USP24: variants seen among roughly 807,000 people sequenced by gnomAD.
USP24 encodes ubiquitin specific peptidase 24.
USP24 carries 97 observed loss-of-function variants against 361.6 expected under a neutral mutation model. The observed-to-expected ratio is 0.27, with a 90% CI of 0.23 to 0.32. USP24 has a LOEUF of 0.32. USP24 is among the 10% of genes least tolerant of loss of function. USP24 has a pLI of 1.00. For missense variants in USP24, 2,353 were observed against 3,165.6 expected, an observed-to-expected ratio of 0.74 and a Z score of 6.16; for synonymous variants, 1,098 against 1,124.6, an observed-to-expected ratio of 0.98 and a Z score of 0.47.
chr1:55,082,433 A>C (rs1260285158), intron 58 of USP24, among the ~76,000 whole-genome samples: 1 of 152,226 alleles, frequency 6.6e-6, no homozygotes, highest in Admixed American at 6.5e-5. Flanking sequence ...ATGTATTTTG[A>C]ATCTATCAAA....
At chr1:55,195,490 C>CT (rs1201339470) in intron 1 of USP24, among the ~76,000 whole-genome samples, 15 of 152,276 alleles carry the variant, frequency 9.9e-5, no homozygotes, top group African/African-American at 3.4e-4. Flanking sequence ...CAGACATACT[C>CT]TGCCACTGAA....
intron 1 of USP24, among the ~76,000 whole-genome samples, chr1:55,187,531 C>A (rs1644166983): frequency 6.6e-6 from 1 of 152,080 alleles, no homozygotes; most frequent in South Asian, 2.1e-4. Flanking sequence ...CATAATTTTG[C>A]ACAGAGAAAA....
At chr1:55,150,103 A>C (rs1557638774) in intron 16 of USP24, among the ~76,000 whole-genome samples, 1 of 152,212 alleles carries the variant, frequency 6.6e-6, no homozygotes, top group Non-Finnish European at 1.5e-5. Flanking sequence ...CTCAATTATG[A>C]AAAAAAGCAA....
intron 28 of USP24, among the ~76,000 whole-genome samples, chr1:55,136,703 A>T (rs1474714597): frequency 6.6e-6 from 1 of 152,182 alleles, no homozygotes; most frequent in Non-Finnish European, 1.5e-5. Context: ...GGCCTGAGCC[A>T]ACTAGAAGAC....
At chr1:55,145,915 GAGA>G (rs1647016841) in intron 20 of USP24, 80 bp downstream of exon 20, 2 of 998,184 alleles carry the variant, frequency 2.0e-6, no homozygotes, top group East Asian at 2.4e-5. Flanking sequence ...AGTTGCTTCT[GAGA>G]AGGAGGATTA....
At chr1:55,110,919 G>C (rs765402702) in intron 38 of USP24, among the ~76,000 whole-genome samples, 1 of 151,908 alleles carries the variant, frequency 6.6e-6, no homozygotes, top group Non-Finnish European at 1.5e-5. Context: ...AAAAACATAC[G>C]CATATACACA....
chr1:55,154,099 A>T lies in USP24; in HGVS notation c.1812+20T>A. 2 of 1,612,938 alleles carry T rather than the reference A, an allele frequency of 1.2e-6. No homozygotes were observed. The highest frequency in any genetic ancestry group is 1.7e-6 in the Non-Finnish European group (2 of 1,179,276). Reference sequence around the variant, plus strand: ...ATACTGTTGCTCTAACAACAAAATCAGATAAAAGCTGAAACCAACCCTCTT... The same window carrying T: ...ATACTGTTGCTCTAACAACAAAATCTGATAAAAGCTGAAACCAACCCTCTT... On this transcript the variant is annotated intron_variant, in intron 15 of 67. Transcript: ENST00000294383.
chr1:55,147,016 T>A lies in USP24; in HGVS notation c.2163A>T (p.Glu721Asp), dbSNP rs1647046193. ...HLKFLAFFLQEATLYLGWNRA... is the reference protein window; with the variant it reads ...HLKFLAFFLQDATLYLGWNRA... The stretch of plus-strand genomic sequence containing the variant: ...GATTCCAGCCCAGATACAGAGTAGC[T>A]TCTTGCAAGAAAAACGCTAGAAATT... Residue 721 changes from glutamate to aspartate, a missense_variant, in exon 19 of 68, where the codon GAA becomes GAT. By Grantham distance (45) the Glu-to-Asp change is conservative (BLOSUM62 2). Coordinates refer to ENST00000294383, the MANE Select transcript of USP24 (RefSeq NM_015306.3). 3.8e-6 allele frequency: 6 copies of A among 1,594,998 alleles called. No homozygotes were observed. The highest frequency in any genetic ancestry group is 4.3e-6 in the Non-Finnish European group (5 of 1,173,426).
chr1:55,124,689 A>G, intron 34 of USP24, 61 bp from the exon 35 acceptor site: 1 of 1,569,924 alleles, frequency 6.4e-7, no homozygotes, highest in Non-Finnish European at 8.7e-7. Flanking sequence ...CCTGACATGT[A>G]CAACCTTCTT....
At chr1:55,123,723 G>A in intron 35 of USP24, 121 bp from the exon 36 acceptor site, 1 of 1,011,370 alleles carries the variant, frequency 9.9e-7, no homozygotes, top group Non-Finnish European at 1.3e-6. Context: ...AAGCACTTAG[G>A]TCCAAGAAGC....
intron 20 of USP24, among the ~76,000 whole-genome samples, chr1:55,145,440 A>G (rs1005318748): frequency 6.6e-6 from 1 of 152,226 alleles, no homozygotes; most frequent in Non-Finnish European, 1.5e-5. Flanking sequence ...GACTCCATTC[A>G]TATCAAATGT....
chr1:55,135,165 A>T (rs1293062591), intron 28 of USP24, among the ~76,000 whole-genome samples: 1 of 152,142 alleles, frequency 6.6e-6, no homozygotes, highest in Non-Finnish European at 1.5e-5. Flanking sequence ...TTTTAAAAAA[A>T]TTGAGATGGG....
chr1:55,117,083 C>T (rs1401538446), intron 38 of USP24, among the ~76,000 whole-genome samples: 2 of 152,046 alleles, frequency 1.3e-5, no homozygotes, highest in Non-Finnish European at 2.9e-5. Context: ...AGAAAAAGAC[C>T]CACATGATTA....
chr1:55,089,333 G>C (rs1011006253), intron 55 of USP24, among the ~76,000 whole-genome samples: 1 of 152,168 alleles, frequency 6.6e-6, no homozygotes, highest in Non-Finnish European at 1.5e-5. Context: ...TGAGGGAAGA[G>C]ACTTGCGTCT....
intron 50 of USP24, 105 bp from the exon 51 acceptor site, chr1:55,095,501 C>T (rs1180170188): frequency 7.7e-7 from 1 of 1,297,550 alleles, no homozygotes; most frequent in Middle Eastern, 2.7e-4. Flanking sequence ...TAACTACTCC[C>T]TAAGTTTGTA....
At chr1:55,082,212 T>C (rs1645162402) in intron 58 of USP24, among the ~76,000 whole-genome samples, 1 of 152,168 alleles carries the variant, frequency 6.6e-6, no homozygotes, top group Non-Finnish European at 1.5e-5. Context: ...TGGGTCTGAA[T>C]CCCTGCTCCA....
intron 1 of USP24, among the ~76,000 whole-genome samples, chr1:55,210,859 TATTA>T (rs1221894365): frequency 2.0e-5 from 3 of 152,208 alleles, no homozygotes; most frequent in African/African-American, 4.8e-5. Context: ...CTTCTGGGAA[TATTA>T]ATTAACAGCA....
At chr1:55,187,710 G>T (rs561931154) in intron 1 of USP24, among the ~76,000 whole-genome samples, 1 of 151,944 alleles carries the variant, frequency 6.6e-6, no homozygotes, top group African/African-American at 2.4e-5. Context: ...ACATTAAAAA[G>T]AATAAAATAC....
At chr1:55,132,433 C>A in intron 31 of USP24, 112 bp downstream of exon 31, 1 of 1,272,414 alleles carries the variant, frequency 7.9e-7, no homozygotes, top group African/African-American at 1.5e-5. Context: ...TAATTTTCAA[C>A]CAATCATCAC....
Sources: gnomAD v4.1 joint callset for allele counts (sites outside exome capture counted in the v4.1 genomes callset) on GRCh38, gnomAD v4.1.1 for gene constraint, MANE v1.5 for transcripts, NCBI Gene and HGNC (gene_info 2026-07-23, HGNC 2026-07-21) for gene names.